Variants in AGO2 observed in about 807,000 individuals in gnomAD.
AGO2 encodes the protein argonaute RISC catalytic component 2, also known as protein argonaute-2.
In AGO2, 5 loss-of-function variants were observed where a neutral mutation model predicts 102.3. That is an observed-to-expected ratio of 0.05 (90% CI 0.03 to 0.10). AGO2 has a LOEUF of 0.10. Ranked by LOEUF, AGO2 falls within the 10% of genes least tolerant of loss-of-function variation. The probability of loss-of-function intolerance (pLI) is 1.00; values close to 1 mark genes in which losing one functional copy is unlikely to be tolerated. For missense variants in AGO2, 541 were observed against 1,183.7 expected (o/e 0.46, Z 7.97); for synonymous variants, 449 against 473.1 (o/e 0.95, Z 0.66).
chr8:140,541,310 G>A lies in AGO2; in HGVS notation c.1888C>T (p.Arg630Cys), dbSNP rs912917128. The change falls in exon 15 of 19, where the codon CGC becomes TGC. Residue 630 changes from arginine to cysteine, a missense_variant. This residue lies in a region of AGO2 where 309 missense variants were observed against 735.1 expected (regional missense o/e 0.42). Transcript: ENST00000220592. Reference sequence around the variant, plus strand: ...ATCTCCTGCCGGTGCTGCTGCACGCGCACGGTGGCGCAGTAGCGATTGGGG... The same window carrying A: ...ATCTCCTGCCGGTGCTGCTGCACGCACACGGTGGCGCAGTAGCGATTGGGG... ...AHPNRYCATV[R>C]VQQHRQEIIQ... 3 of 1,612,650 alleles carry A rather than the reference G, an allele frequency of 1.9e-6. No homozygotes were observed. The highest frequency in any genetic ancestry group is 1.1e-5 in the South Asian group (1 of 90,922).
chr8:140,569,703 C>G (rs1376666850), intron 3 of AGO2, among the ~76,000 whole-genome samples: 1 of 152,208 alleles, frequency 6.6e-6, no homozygotes, highest in Non-Finnish European at 1.5e-5. Flanking sequence ...TGTATAGTTT[C>G]CTGTCTCCAC....
intron 1 of AGO2, among the ~76,000 whole-genome samples, chr8:140,626,123 G>A (rs1045891891): frequency 6.6e-5 from 10 of 152,160 alleles, no homozygotes; most frequent in Non-Finnish European, 8.8e-5. Flanking sequence ...GGCCCGGGGG[G>A]GCACAGCTGG....
intron 13 of AGO2, among the ~76,000 whole-genome samples, chr8:140,545,884 C>T (rs1316927971): frequency 1.3e-5 from 2 of 152,222 alleles, no homozygotes; most frequent in African/African-American, 4.8e-5. Flanking sequence ...CAGCTCACCC[C>T]AGCTCACCAG....
At chr8:140,609,055 G>C (rs2074041375) in intron 1 of AGO2, among the ~76,000 whole-genome samples, 2 of 152,230 alleles carry the variant, frequency 1.3e-5, no homozygotes, top group Admixed American at 6.5e-5. Flanking sequence ...ATCTCTTGGA[G>C]GCTCAGCTGT....
At chr8:140,580,381 C>T (rs1164280093) in intron 2 of AGO2, among the ~76,000 whole-genome samples, 1 of 152,226 alleles carries the variant, frequency 6.6e-6, no homozygotes, top group Non-Finnish European at 1.5e-5. Context: ...AACATCTACC[C>T]GGGGCATTGT....
At chr8:140,611,767 C>T (rs1282193144) in intron 1 of AGO2, among the ~76,000 whole-genome samples, 1 of 152,100 alleles carries the variant, frequency 6.6e-6, no homozygotes, top group Non-Finnish European at 1.5e-5. Context: ...GAGTAGGGTG[C>T]CGGGCAGATG....
At chr8:140,610,761 ATGG>A (rs2074065396) in intron 1 of AGO2, among the ~76,000 whole-genome samples, 1 of 152,142 alleles carries the variant, frequency 6.6e-6, no homozygotes, top group Non-Finnish European at 1.5e-5. Flanking sequence ...TGTCCTGCCC[ATGG>A]CCAACCCCCC....
At chr8:140,537,688 C>A (rs183677384) in intron 16 of AGO2, among the ~76,000 whole-genome samples, 12 of 152,166 alleles carry the variant, frequency 7.9e-5, no homozygotes, top group African/African-American at 2.6e-4. Flanking sequence ...ATGGCGTGTT[C>A]ATCAATTTCT....
chr8:140,612,938 G>A (rs532383172), intron 1 of AGO2, among the ~76,000 whole-genome samples: 4 of 151,734 alleles, frequency 2.6e-5, no homozygotes, highest in Middle Eastern at 3.4e-3. Flanking sequence ...GGTGGCTCGC[G>A]TCTTTAATCC....
rs1485654167 is a variant in AGO2, at chr8:140,595,957, ATATATATAAATTATATATAT to A, written c.23-10666_23-10647del. On this transcript the variant is annotated intron_variant, in intron 1 of 18. Coordinates refer to ENST00000220592, the MANE Select transcript of AGO2 (RefSeq NM_012154.5). ...TTATATAATATATATTTTATATATA[ATATATATAAATTATATATAT>A]TATATAATATATATATTATATATAT... 7.5e-4 allele frequency among the ~76,000 whole-genome samples: 95 copies of A among 126,326 alleles called. 1 individual carries two copies. The highest frequency in any genetic ancestry group is 1.2e-3 in the Non-Finnish European group (75 of 62,968). 82.9% of individuals were successfully genotyped at this position (126,326 alleles called of 152,430 possible). A position where few individuals can be genotyped will look rare whatever the true frequency, so the allele number is the denominator to read the frequency against.
At chr8:140,605,700 C>G (rs2073989070) in intron 1 of AGO2, 1 of 151,794 alleles carries the variant, frequency 6.6e-6, no homozygotes, top group Non-Finnish European at 1.5e-5. Flanking sequence ...AGCCATTGCT[C>G]TTGACTATAA....
Position 140,528,954 on chromosome 8 carries a change from G to C in AGO2, c.*3090C>G, listed in dbSNP as rs1181698257. The C allele has an allele frequency of 7.9e-5, 12 of 152,198 alleles. No homozygotes were observed. Among genetic ancestry groups the C allele is most frequent in the Non-Finnish European group, 2.9e-5 (2 of 68,032 alleles). The allele number at this position is 152,198 out of a possible 1,614,324, so 9.4% of individuals were successfully genotyped here. ...GGTAAAAGGATGGGAGTACATCAAT[G>C]TTTTTAAAAAGTGAACATGTAAAAA... On this transcript the variant is annotated 3_prime_UTR_variant, in exon 19 of 19. Coordinates refer to ENST00000220592, the MANE Select transcript of AGO2 (RefSeq NM_012154.5). The surrounding 1 kb of genome is among the most constrained non-coding windows in gnomAD (Gnocchi z 4.5).
intron 6 of AGO2, 41 bp downstream of exon 6, chr8:140,559,353 GC>G (rs755898971): frequency 6.2e-7 from 1 of 1,602,684 alleles, no homozygotes; most frequent in Non-Finnish European, 8.5e-7. Flanking sequence ...CCGGGAAGGG[GC>G]CTCCCAGCCC....
chr8:140,555,642 C>T, intron 10 of AGO2: 1 of 468,482 alleles, frequency 2.1e-6, no homozygotes, highest in Non-Finnish European at 3.7e-6. Flanking sequence ...CAGAATGGTG[C>T]TCTCTAAACT....
intron 1 of AGO2, among the ~76,000 whole-genome samples, chr8:140,604,794 T>A (rs2133055852): frequency 6.6e-6 from 1 of 150,894 alleles, no homozygotes; most frequent in Admixed American, 6.6e-5. Context: ...GCCACTGCAC[T>A]CCAGCCTGGG....
chr8:140,641,563 A>G, the AGO2 span, among the ~76,000 whole-genome samples: 1 of 152,206 alleles, frequency 6.6e-6, no homozygotes, highest in Non-Finnish European at 1.5e-5. Flanking sequence ...ATAATTCTAT[A>G]TACTAATGAC....
chr8:140,587,499 C>A (rs2073676989), intron 1 of AGO2, among the ~76,000 whole-genome samples: 1 of 152,236 alleles, frequency 6.6e-6, no homozygotes, highest in Non-Finnish European at 1.5e-5. Context: ...CCACTCTGAT[C>A]ACTCACAGGG....
intron 10 of AGO2, among the ~76,000 whole-genome samples, chr8:140,555,009 AAAAC>A (rs1193000966): frequency 1.1e-4 from 17 of 152,320 alleles, no homozygotes; most frequent in South Asian, 4.1e-4. Context: ...TAAGACAAGA[AAAAC>A]AAACAAACAA....
intron 17 of AGO2, 183 bp from the exon 18 acceptor site, chr8:140,532,798 C>T (rs1303168800): frequency 1.7e-6 from 1 of 588,506 alleles, no homozygotes; most frequent in East Asian, 3.0e-5. Flanking sequence ...AGTTCGAGTC[C>T]AGCCTGGCCA....
Sources: gnomAD v4.1 joint callset for allele counts (sites outside exome capture counted in the v4.1 genomes callset) on GRCh38, gnomAD v4.1.1 for gene constraint, gnomAD v4.1.1 regional missense constraint, Gnocchi (gnomAD v3.1) non-coding constraint, MANE v1.5 for transcripts, NCBI Gene and HGNC (gene_info 2026-07-23, HGNC 2026-07-21) for gene names.